The following FUBP1 variants were observed in gnomAD, a reference collection of about 807,000 sequenced individuals.
The protein encoded by FUBP1 is far upstream element-binding protein 1.
Under a neutral mutation model 94.9 loss-of-function variants are expected in FUBP1, and 16 were observed. The observed-to-expected ratio is 0.17, with a 90% CI of 0.11 to 0.26. The LOEUF is 0.26. FUBP1 is among the 10% of genes least tolerant of loss of function. The pLI, the probability that FUBP1 is intolerant of heterozygous loss-of-function variation, is 1.00. For synonymous variants in FUBP1, 279 were observed against 254.9 expected (o/e 1.09, Z -0.90); for missense variants, 583 against 808.6 (o/e 0.72, Z 3.38).
At chr1:77,963,916 A>G in intron 12 of FUBP1, 146 bp downstream of exon 12, 1 of 686,186 alleles carries the variant, frequency 1.5e-6, no homozygotes, top group Non-Finnish European at 2.5e-6. Context: ...TTCCTGCTCC[A>G]AGATCTTTAC....
At chr1:77,958,917 A>G (rs893388551) in intron 16 of FUBP1, among the ~76,000 whole-genome samples, 3 of 152,212 alleles carry the variant, frequency 2.0e-5, no homozygotes, top group Admixed American at 6.5e-5. Context: ...TAAGAGTATT[A>G]TATCCTGTAC....
At chr1:77,952,218 G>A (rs1653596099) in intron 18 of FUBP1, among the ~76,000 whole-genome samples, 1 of 151,750 alleles carries the variant, frequency 6.6e-6, no homozygotes, top group Non-Finnish European at 1.5e-5. Flanking sequence ...CAGCCTGGGC[G>A]ACAGGGAAAG....
chr1:77,964,322 A>T lies in FUBP1; in HGVS notation c.872T>A (p.Ile291Lys). The stretch of plus-strand genomic sequence containing the variant: ...TTTGATCATCTCTCCATTTCTTCCT[A>T]TTACAATGCCAACAGCAAATCTTGG... The part of the protein sequence containing the change: ...PIPRFAVGIV[I>K]GRNGEMIKKI... Residue 291 changes from isoleucine to lysine, a missense_variant, in exon 11 of 20, where the codon ATA becomes AAA. Transcript: ENST00000370768. 1 of 1,604,740 alleles carries T rather than the reference A, an allele frequency of 6.2e-7. No homozygotes were observed. Among genetic ancestry groups the T allele is most frequent in the Non-Finnish European group, 8.5e-7 (1 of 1,177,312 alleles).
chr1:77,949,177 G>T lies in FUBP1; in HGVS notation c.1904C>A (p.Pro635Gln). The T allele has an allele frequency of 6.2e-7, 1 of 1,613,070 alleles. No individual in the cohort carries two copies. Among genetic ancestry groups the T allele is most frequent in the South Asian group, 1.1e-5 (1 of 91,044 alleles). ...YYAQTSPQGM[P>Q]QHPPAPQGQ ...TACCTGAGGTGCTGGAGGATGCTGT[G>T]GCATTCCCTGGGGACTTGTCTGGGC... The change falls in exon 19 of 20, where the codon CCA becomes CAA. Residue 635 changes from proline (P) to glutamine (Q), a missense_variant. By Grantham distance (76) the Pro-to-Gln change is moderately conservative. Coordinates refer to ENST00000370768, the MANE Select transcript of FUBP1 (RefSeq NM_003902.5).
At position 77,963,721 on chromosome 1, in the gene FUBP1, G is replaced by C. The variant is rs1255746979; in HGVS notation, c.1042-6C>G. The C allele has an allele frequency of 1.3e-6, 2 of 1,594,710 alleles. No individual in the cohort carries two copies. The highest frequency in any genetic ancestry group is 1.7e-6 in the Non-Finnish European group (2 of 1,173,032). ...GGTCCACCAGGATTACCAGCCTATA[G>C]AGAGGGAAAGACAAGAACGAAGAGT... On this transcript the variant is annotated splice_polypyrimidine_tract_variant and splice_region_variant and intron_variant, in intron 12 of 19. Coordinates refer to ENST00000370768, the MANE Select transcript of FUBP1 (RefSeq NM_003902.5).
chr1:77,974,895 T>C (rs1658315618), intron 1 of FUBP1, among the ~76,000 whole-genome samples: 1 of 152,172 alleles, frequency 6.6e-6, no homozygotes, highest in African/African-American at 2.4e-5. Flanking sequence ...TCAGTATCCC[T>C]GGGGGATTGG....
chr1:77,968,020 G>A (rs762283577), intron 3 of FUBP1, 145 bp downstream of exon 3: 2 of 568,576 alleles, frequency 3.5e-6, no homozygotes, highest in Non-Finnish European at 6.2e-6. Context: ...AGGAGAAAAA[G>A]GTATATATTT....
chr1:77,978,616 G>A (rs570370152), intron 1 of FUBP1, among the ~76,000 whole-genome samples: 1 of 152,322 alleles, frequency 6.6e-6, no homozygotes, highest in African/African-American at 2.4e-5. Context: ...GCTCACTGGA[G>A]ACACGCGAGT....
intron 1 of FUBP1, 43 bp from the exon 2 acceptor site, chr1:77,970,058 C>T (rs750726324): frequency 1.1e-6 from 1 of 939,542 alleles, no homozygotes; most frequent in Non-Finnish European, 1.6e-6. Flanking sequence ...CTATTATATA[C>T]TATTCATTAC....
At chr1:77,976,361 T>C (rs897545155) in intron 1 of FUBP1, among the ~76,000 whole-genome samples, 1 of 152,216 alleles carries the variant, frequency 6.6e-6, no homozygotes, top group African/African-American at 2.4e-5. Flanking sequence ...ATCATTTTTA[T>C]AAAGAAATCA....
chr1:77,956,836 T>C (rs569550844), intron 16 of FUBP1, 136 bp from the exon 17 acceptor site: 3 of 508,274 alleles, frequency 5.9e-6, no homozygotes, highest in African/African-American at 3.9e-5. Context: ...AAAAAGTATA[T>C]GAAAACTTAA....
At position 77,956,607 on chromosome 1, in the gene FUBP1, G is replaced by A. The variant is rs1340198305; in HGVS notation, c.1670C>T (p.Ala557Val). The A allele has an allele frequency of 2.1e-5, 34 of 1,612,420 alleles. No homozygotes were observed. The highest frequency in any genetic ancestry group is 2.8e-5 in the Non-Finnish European group (33 of 1,178,622). The change falls in exon 17 of 20, where the codon GCA (alanine) becomes GTA (valine). Residue 557 changes from alanine to valine, a missense_variant. Coordinates refer to ENST00000370768, the MANE Select transcript of FUBP1 (RefSeq NM_003902.5). ...QQAQPPPAAP[A>V]GAPTTTQTNG... Reference sequence around the variant, plus strand: ...AGTTTGAGTTGTAGTTGGTGCACCTGCAGGGGCTGCTGGTGGTGGCTGTGC... The same window carrying A: ...AGTTTGAGTTGTAGTTGGTGCACCTACAGGGGCTGCTGGTGGTGGCTGTGC...
chr1:77,948,510 A>G lies in FUBP1; in HGVS notation c.*256T>C. Reference sequence around the variant, plus strand: ...CACAAAGCATCAACCACATAATTGCAAATACATTTGCTGGAATGTGTACAT... The same window carrying G: ...CACAAAGCATCAACCACATAATTGCGAATACATTTGCTGGAATGTGTACAT... On this transcript the variant is annotated 3_prime_UTR_variant, in exon 20 of 20. Transcript: ENST00000370768. 8.1e-7 allele frequency: 1 copy of G among 1,239,376 alleles called. No homozygotes were observed. The highest frequency in any genetic ancestry group is 1.6e-5 in the African/African-American group (1 of 64,004). The allele number at this position is 1,239,376 out of a possible 1,614,324, so 76.8% of individuals were successfully genotyped here. A position where few individuals can be genotyped will look rare whatever the true frequency, so the allele number is the denominator to read the frequency against.
chr1:77,978,175 T>C (rs1422480215), intron 1 of FUBP1, among the ~76,000 whole-genome samples: 1 of 152,270 alleles, frequency 6.6e-6, no homozygotes, highest in Non-Finnish European at 1.5e-5. Flanking sequence ...TTAACAGCTT[T>C]CGTCTGGGAA....
intron 16 of FUBP1, among the ~76,000 whole-genome samples, chr1:77,957,586 T>C (rs1654701000): frequency 6.6e-6 from 1 of 152,218 alleles, no homozygotes; most frequent in Admixed American, 6.5e-5. Context: ...TACCATACAA[T>C]TAAAACTTTT....
In FUBP1 at chr1:77,955,456, T is replaced by G. The variant is rs1654270696; in HGVS notation, c.1706-127A>C. 3 of 639,550 alleles carry G rather than the reference T, an allele frequency of 4.7e-6. No homozygotes were observed. The South Asian group carries it at 5.6e-5, about 12-fold the overall frequency. The allele number at this position is 639,550 out of a possible 1,614,324, so 39.6% of individuals were successfully genotyped here. A position where few individuals can be genotyped will look rare whatever the true frequency, so the allele number is the denominator to read the frequency against. Reference sequence around the variant, plus strand: ...CAGTGAGGGTAGGAGGGAAGTACTATGTGGTGGTGGCATCCCTAACAGTGC... The same window carrying G: ...CAGTGAGGGTAGGAGGGAAGTACTAGGTGGTGGTGGCATCCCTAACAGTGC... On this transcript the variant is annotated intron_variant, in intron 17 of 19. Transcript: ENST00000370768.
intron 1 of FUBP1, among the ~76,000 whole-genome samples, chr1:77,974,091 C>G (rs1407046858): frequency 6.6e-6 from 1 of 150,998 alleles, no homozygotes; most frequent in Non-Finnish European, 1.5e-5. Context: ...TTCTGGATAG[C>G]TGGTACTACA....
At chr1:77,968,248 A>G in intron 2 of FUBP1, 45 bp from the exon 3 acceptor site, 1 of 1,027,772 alleles carries the variant, frequency 9.7e-7, no homozygotes, top group Non-Finnish European at 1.5e-6. Flanking sequence ...TTAAGTACAA[A>G]GCTTCTCCCC....
At chr1:77,970,854 G>A (rs1209140543) in intron 1 of FUBP1, among the ~76,000 whole-genome samples, 1 of 152,102 alleles carries the variant, frequency 6.6e-6, no homozygotes, top group Non-Finnish European at 1.5e-5. Flanking sequence ...AGAGCAGCCT[G>A]GGCAACATGA....
Sources: gnomAD v4.1 joint callset for allele counts (sites outside exome capture counted in the v4.1 genomes callset) on GRCh38, gnomAD v4.1.1 for gene constraint, MANE v1.5 for transcripts, NCBI Gene and HGNC (gene_info 2026-07-23, HGNC 2026-07-21) for gene names.